The following AKAP6 variants were observed in gnomAD, a reference collection of about 807,000 sequenced individuals.
AKAP6 encodes A-kinase anchor protein 6.
AKAP6 carries 58 observed loss-of-function variants against 188.5 expected under a neutral mutation model. That is an observed-to-expected ratio of 0.31 (90% CI 0.25 to 0.38). AKAP6 has a LOEUF of 0.38. Ranked by LOEUF, AKAP6 falls within the 10% of genes least tolerant of loss-of-function variation. The pLI is 1.00. For synonymous variants in AKAP6, 989 were observed against 998.6 expected, an observed-to-expected ratio of 0.99 and a Z score of 0.18; for missense variants, 2,710 against 2,740.0, an observed-to-expected ratio of 0.99 and a Z score of 0.24.
At chr14:32,808,173 A>C (rs2034136990) in intron 12 of AKAP6, among the ~76,000 whole-genome samples, 1 of 152,102 alleles carries the variant, frequency 6.6e-6, no homozygotes, top group African/African-American at 2.4e-5. Flanking sequence ...TAACAGCAAT[A>C]ATTATCCAGA....
intron 1 of AKAP6, among the ~76,000 whole-genome samples, chr14:32,376,228 C>T (rs948015348): frequency 1.3e-5 from 2 of 152,198 alleles, no homozygotes; most frequent in Non-Finnish European, 2.9e-5. Context: ...CTTGGGGCAC[C>T]CCCCACTCCC....
intron 5 of AKAP6, among the ~76,000 whole-genome samples, chr14:32,582,430 T>A (rs1177905551): frequency 2.6e-5 from 4 of 151,818 alleles, no homozygotes; most frequent in African/African-American, 9.7e-5. Context: ...CCTTAACATT[T>A]TTTCCTTCAT....
At position 32,546,193 on chromosome 14, in the gene AKAP6, G is replaced by A; in HGVS notation, c.1540G>A (p.Gly514Arg). ...EVPPCRTPKR[G>R]TGSGKQAKNT... ...GCCTCCATGCCGAACACCTAAACGG[G>A]GGACTGGTTCAGGCAAACAAGCTAA... The change falls in exon 4 of 14, where the codon GGG (glycine) becomes AGG (arginine). Residue 514 changes from glycine to arginine, a missense_variant. Coordinates refer to ENST00000280979, the MANE Select transcript of AKAP6 (RefSeq NM_004274.5). 1 of 1,614,134 alleles carries A rather than the reference G, an allele frequency of 6.2e-7. No individual in the cohort carries two copies. Among genetic ancestry groups the A allele is most frequent in the Non-Finnish European group, 8.5e-7 (1 of 1,180,026 alleles).
At chr14:32,431,384 G>C (rs1317048366) in intron 1 of AKAP6, among the ~76,000 whole-genome samples, 1 of 152,182 alleles carries the variant, frequency 6.6e-6, no homozygotes, top group East Asian at 1.9e-4. Flanking sequence ...GGTGGCGAAG[G>C]CTGTTGAATT....
At chr14:32,463,373 A>G (rs4609735) in intron 2 of AKAP6, among the ~76,000 whole-genome samples, 152,276 of 152,280 alleles carry the variant, frequency 1, 76,136 homozygotes, top group Middle Eastern at 1. Context: ...CACCAAATGC[A>G]AAATAATGGA....
Position 32,773,810 on chromosome 14 carries a change from A to G in AKAP6, c.3505A>G (p.Asn1169Asp). 6.2e-7 allele frequency: 1 copy of G among 1,614,134 alleles called. No homozygotes were observed. Among genetic ancestry groups the G allele is most frequent in the Non-Finnish European group, 8.5e-7 (1 of 1,180,008 alleles). Residue 1169 changes from asparagine (N) to aspartate (D), a missense_variant, in exon 12 of 14, where the codon AAT becomes GAT. This residue lies in a region of AKAP6 where 2,473 missense variants were observed against 2,426.1 expected (regional missense o/e 1.02). Transcript: ENST00000280979. ...DHQPMQLIIV[N>D]LERRWEAIVM... ...CCAGCCCATGCAGCTGATCATTGTA[A>G]ATCTTGAAAGAAGGTGGGAAGCCAT...
intron 1 of AKAP6, chr14:32,375,768 A>G (rs1321880908): frequency 6.6e-6 from 1 of 152,208 alleles, no homozygotes; most frequent in African/African-American, 2.4e-5. Flanking sequence ...TAATTTGCTG[A>G]AGGTCTTAAG....
chr14:32,493,958 C>G (rs1349689102), intron 2 of AKAP6, among the ~76,000 whole-genome samples: 1 of 152,054 alleles, frequency 6.6e-6, no homozygotes, highest in African/African-American at 2.4e-5. Context: ...CAAGGAGAGT[C>G]ACGAGGCTTC....
chr14:32,469,180 C>T (rs1251229241), intron 2 of AKAP6, among the ~76,000 whole-genome samples: 2 of 152,148 alleles, frequency 1.3e-5, no homozygotes, highest in Non-Finnish European at 2.9e-5. Context: ...TAGGCATTGC[C>T]TGGTAAAGTT....
At chr14:32,764,694 A>G (rs1022098667) in intron 11 of AKAP6, among the ~76,000 whole-genome samples, 4 of 73,748 alleles carry the variant, frequency 5.4e-5, no homozygotes, top group Admixed American at 3.4e-4. Flanking sequence ...GATGACAATA[A>G]TACACACACA....
At chr14:32,804,615 C>T (rs2140098789) in intron 12 of AKAP6, among the ~76,000 whole-genome samples, 1 of 152,302 alleles carries the variant, frequency 6.6e-6, no homozygotes, top group East Asian at 1.9e-4. Context: ...TCTTGATAAA[C>T]ATCTTAAACA....
chr14:32,457,731 G>A (rs191496801), intron 2 of AKAP6, among the ~76,000 whole-genome samples: 31 of 152,252 alleles, frequency 2.0e-4, no homozygotes, highest in East Asian at 1.7e-3. Flanking sequence ...TTTCATCTAC[G>A]TCATAAACAT....
At chr14:32,766,850 A>C (rs938452724) in intron 11 of AKAP6, among the ~76,000 whole-genome samples, 8 of 152,178 alleles carry the variant, frequency 5.3e-5, no homozygotes, top group Non-Finnish European at 1.0e-4. Flanking sequence ...AGCTGTTTCT[A>C]CTTTTGATGT....
At chr14:32,732,901 A>G in intron 10 of AKAP6, 1 of 574,256 alleles carries the variant, frequency 1.7e-6, no homozygotes, top group Non-Finnish European at 3.1e-6. Flanking sequence ...AATACAGTAT[A>G]TCTGATATAT....
chr14:32,745,716 G>C (rs1348906956), intron 11 of AKAP6, among the ~76,000 whole-genome samples: 2 of 152,172 alleles, frequency 1.3e-5, no homozygotes, highest in South Asian at 4.1e-4. Context: ...ACAGGCAGCA[G>C]GTGGCAAAGC....
chr14:32,749,880 A>G (rs1327931796), intron 11 of AKAP6, among the ~76,000 whole-genome samples: 3 of 152,192 alleles, frequency 2.0e-5, no homozygotes, highest in African/African-American at 7.2e-5. Flanking sequence ...GTCCTTCACA[A>G]TATATGTAGA....
At chr14:32,511,211 G>A (rs899554776) in intron 2 of AKAP6, among the ~76,000 whole-genome samples, 3 of 152,100 alleles carry the variant, frequency 2.0e-5, no homozygotes, top group Non-Finnish European at 4.4e-5. Context: ...CTCTTTTCAG[G>A]CCAGACCTCT....
intron 2 of AKAP6, among the ~76,000 whole-genome samples, chr14:32,502,488 C>T (rs1880655278): frequency 6.6e-6 from 1 of 152,074 alleles, no homozygotes; most frequent in South Asian, 2.1e-4. Context: ...AATACATTTA[C>T]AGAGCCAAAA....
At chr14:32,655,009 A>G (rs1049560605) in intron 7 of AKAP6, among the ~76,000 whole-genome samples, 1 of 152,200 alleles carries the variant, frequency 6.6e-6, no homozygotes, top group Admixed American at 6.5e-5. Flanking sequence ...GTGGTAAAAT[A>G]TTTTCATGAG....
Sources: allele counts gnomAD v4.1 joint callset (sites outside exome capture counted in the v4.1 genomes callset), GRCh38; gene constraint gnomAD v4.1.1; regional missense constraint gnomAD v4.1.1; transcripts MANE v1.5; gene names NCBI Gene and HGNC (gene_info 2026-07-23, HGNC 2026-07-21).